The following KIF14 variants were observed in gnomAD, a reference collection of about 807,000 sequenced individuals.
The protein encoded by KIF14 is kinesin family member 14.
KIF14 carries 98 observed loss-of-function variants against 176.2 expected under a neutral mutation model. That is an observed-to-expected ratio of 0.56 (90% CI 0.47 to 0.66). KIF14 has a LOEUF of 0.66. KIF14 is among the 30% of genes least tolerant of loss of function. The probability of loss-of-function intolerance (pLI) is 0.00; values close to 1 mark genes in which losing one functional copy is unlikely to be tolerated. For synonymous variants in KIF14, 566 were observed against 632.2 expected, an observed-to-expected ratio of 0.90 and a Z score of 1.57; for missense variants, 1,751 against 1,920.4, an observed-to-expected ratio of 0.91 and a Z score of 1.65.
Position 200,586,139 on chromosome 1 carries a change from A to C in KIF14, c.3203T>G (p.Leu1068Arg). The change falls in exon 19 of 30, where the codon CTA becomes CGA. Residue 1068 changes from leucine (L) to arginine (R), a missense_variant. By Grantham distance (102) the Leu-to-Arg change is moderately radical (BLOSUM62 -2). Transcript: ENST00000367350. ...ATCCCTATTATTCCGATTCTGCTGT[A>C]GAATTTGTACTTCTTTAGCAATTTT... ...KQKIAKEVQILQQNRNNRDKT... is the reference protein window; with the variant it reads ...KQKIAKEVQIRQQNRNNRDKT... The C allele has an allele frequency of 6.3e-7, 1 of 1,598,238 alleles. No individual in the cohort carries two copies. Among genetic ancestry groups the C allele is most frequent in the Non-Finnish European group, 8.5e-7 (1 of 1,170,138 alleles).
At chr1:200,600,951 C>T (rs1374106287) in intron 11 of KIF14, among the ~76,000 whole-genome samples, 2 of 151,862 alleles carry the variant, frequency 1.3e-5, no homozygotes, top group South Asian at 2.1e-4. Flanking sequence ...GGTACGATCT[C>T]GGCTCATTGC....
intron 4 of KIF14, among the ~76,000 whole-genome samples, chr1:200,609,217 T>C (rs1660033728): frequency 6.6e-6 from 1 of 152,114 alleles, no homozygotes; most frequent in Non-Finnish European, 1.5e-5. Flanking sequence ...CCCACTAGGA[T>C]GGCAGTAATA....
chr1:200,618,910 A>T, intron 1 of KIF14, 72 bp from the exon 2 acceptor site: 1 of 531,412 alleles, frequency 1.9e-6, no homozygotes, highest in East Asian at 3.0e-5. Flanking sequence ...AGAACATCCC[A>T]TTGTGTAAGT....
intron 25 of KIF14, among the ~76,000 whole-genome samples, chr1:200,561,287 T>C (rs974527022): frequency 4.0e-5 from 6 of 149,400 alleles, no homozygotes; most frequent in Admixed American, 1.3e-4. Flanking sequence ...ATGCCTGTAA[T>C]CTCAGCACTT....
intron 16 of KIF14, among the ~76,000 whole-genome samples, 193 bp from the exon 17 acceptor site, chr1:200,590,465 G>A (rs1226129917): frequency 2.6e-5 from 4 of 152,032 alleles, no homozygotes; most frequent in East Asian, 3.9e-4. Context: ...ATTTAAACAC[G>A]CAGGACGAAA....
intron 29 of KIF14, 112 bp downstream of exon 29, chr1:200,554,356 A>G (rs1266807992): frequency 7.2e-6 from 5 of 691,140 alleles, no homozygotes; most frequent in Non-Finnish European, 1.2e-5. Flanking sequence ...GAGCCACTGC[A>G]CTCCAGCCTG....
At chr1:200,600,527 T>C (rs1659574733) in intron 11 of KIF14, 24 bp from the exon 12 acceptor site, 2 of 1,539,408 alleles carry the variant, frequency 1.3e-6, no homozygotes, top group Admixed American at 1.7e-5. Flanking sequence ...CAAAGATGCA[T>C]TAATAATAAC....
At position 200,583,857 on chromosome 1, in the gene KIF14, G is replaced by C. The variant is rs111901630; in HGVS notation, c.3241+2244C>G. ...CTCAGGAAGCTGAAGCAGGAGAATCGCTTGAGCCTGGGAGGCAGAGGCTGC... is the reference window on the plus strand; with the variant it reads ...CTCAGGAAGCTGAAGCAGGAGAATCCCTTGAGCCTGGGAGGCAGAGGCTGC... On this transcript the variant is annotated intron_variant, in intron 19 of 29. Transcript: ENST00000367350. Among the ~76,000 whole-genome samples the C allele has an allele frequency of 4.0e-5, 6 of 151,706 alleles. 1 individual carries two copies. The highest frequency in any genetic ancestry group is 1.5e-4 in the African/African-American group (6 of 41,328).
chr1:200,599,339 C>T (rs1451501906), intron 13 of KIF14, among the ~76,000 whole-genome samples: 1 of 152,172 alleles, frequency 6.6e-6, no homozygotes, highest in East Asian at 1.9e-4. Context: ...GATCTACGTA[C>T]CCTTTCTAAA....
chr1:200,620,744 A>G lies in KIF14; in HGVS notation c.-449T>C, dbSNP rs1660645075. ...AGCGCCGGCTCCCCAGAAGGCCGCAATTTGAATGGGCGCCCCGCCTTCTGA... is the reference window on the plus strand; with the variant it reads ...AGCGCCGGCTCCCCAGAAGGCCGCAGTTTGAATGGGCGCCCCGCCTTCTGA... On this transcript the variant is annotated 5_prime_UTR_variant, in exon 1 of 30. Transcript: ENST00000367350. 1 of 152,306 alleles carries G rather than the reference A, an allele frequency of 6.6e-6. No individual in the cohort carries two copies. Among genetic ancestry groups the G allele is most frequent in the African/African-American group, 2.4e-5 (1 of 41,448 alleles). 9.4% of individuals were successfully genotyped at this position (152,306 alleles called of 1,614,324 possible).
intron 19 of KIF14, among the ~76,000 whole-genome samples, chr1:200,584,270 C>T (rs1285388821): frequency 1.3e-5 from 2 of 150,082 alleles, no homozygotes; most frequent in East Asian, 2.0e-4. Context: ...GTGAAGTCTA[C>T]CGAACAATTA....
chr1:200,608,002 T>G (rs574438312), intron 5 of KIF14, among the ~76,000 whole-genome samples: 113 of 152,296 alleles, frequency 7.4e-4, no homozygotes, highest in Non-Finnish European at 1.2e-3. Context: ...CCCAGCCGTC[T>G]TCTTTAGATT....
chr1:200,575,890 C>A (rs1276162527), intron 21 of KIF14, among the ~76,000 whole-genome samples, 199 bp from the exon 22 acceptor site: 8 of 151,904 alleles, frequency 5.3e-5, no homozygotes, highest in Non-Finnish European at 8.8e-5. Context: ...TAAAAGACAT[C>A]TACTTTTAAT....
At chr1:200,565,801 T>A in intron 23 of KIF14, 132 bp from the exon 24 acceptor site, 1 of 632,694 alleles carries the variant, frequency 1.6e-6, no homozygotes, top group Non-Finnish European at 2.7e-6. Context: ...ATTTTTGTGT[T>A]CACTGTGGAA....
At chr1:200,578,866 T>C (rs894756395) in intron 21 of KIF14, among the ~76,000 whole-genome samples, 3 of 150,942 alleles carry the variant, frequency 2.0e-5, no homozygotes, top group African/African-American at 4.9e-5. Flanking sequence ...CCAAGGCGGG[T>C]GGATCACAAG....
chr1:200,562,419 T>C (rs1376157555), intron 25 of KIF14, among the ~76,000 whole-genome samples: 1 of 152,266 alleles, frequency 6.6e-6, no homozygotes, highest in African/African-American at 2.4e-5. Flanking sequence ...CCAGTAGGCA[T>C]TTCCAGCTTT....
chr1:200,555,256 T>C, intron 28 of KIF14, 124 bp downstream of exon 28: 1 of 619,204 alleles, frequency 1.6e-6, no homozygotes, highest in Non-Finnish European at 2.8e-6. Context: ...CATGCTACAA[T>C]TAGACATATA....
chr1:200,614,837 C>T (rs1289272211), intron 3 of KIF14, among the ~76,000 whole-genome samples: 1 of 134,424 alleles, frequency 7.4e-6, no homozygotes, highest in Non-Finnish European at 1.6e-5. Flanking sequence ...ATGTTAGCTA[C>T]TGTTAAAATG....
intron 25 of KIF14, 66 bp downstream of exon 25, chr1:200,565,003 A>G: frequency 7.9e-7 from 1 of 1,269,902 alleles, no homozygotes; most frequent in Non-Finnish European, 1.1e-6. Flanking sequence ...GAAGATATAG[A>G]CAGTAGAAAG....
Sources: gnomAD v4.1 joint callset for allele counts (sites outside exome capture counted in the v4.1 genomes callset) on GRCh38, gnomAD v4.1.1 for gene constraint, MANE v1.5 for transcripts, NCBI Gene and HGNC (gene_info 2026-07-23, HGNC 2026-07-21) for gene names.